Variants in MSH5 observed in about 807,000 individuals in gnomAD.
MSH5 encodes mutS protein homolog 5.
A neutral mutation model predicts 107.7 loss-of-function variants in MSH5; 78 were observed. That is an observed-to-expected ratio of 0.72 (90% CI 0.60 to 0.87). MSH5 has a LOEUF of 0.87. MSH5 is among the 40% of genes least tolerant of loss of function. The probability of loss-of-function intolerance (pLI) is 0.00; values close to 1 mark genes in which losing one functional copy is unlikely to be tolerated. For synonymous variants in MSH5, 326 were observed against 399.5 expected, an observed-to-expected ratio of 0.82 and a Z score of 2.19; for missense variants, 889 against 1,046.6, an observed-to-expected ratio of 0.85 and a Z score of 2.08.
intron 5 of MSH5, 66 bp from the exon 6 acceptor site, chr6:31,743,838 A>G (rs539698034): frequency 6.3e-7 from 1 of 1,583,688 alleles, no homozygotes; most frequent in African/African-American, 1.4e-5. Flanking sequence ...CTATTGTCTC[A>G]TTCTTAAAAT....
At chr6:31,754,294 T>A (rs1356140486) in intron 12 of MSH5, among the ~76,000 whole-genome samples, 1 of 150,868 alleles carries the variant, frequency 6.6e-6, no homozygotes, top group Non-Finnish European at 1.5e-5. Context: ...GGATTACAGG[T>A]GCCCACCACC....
Position 31,762,133 on chromosome 6 carries a change from G to A in MSH5, c.2341G>A (p.Gly781Arg). 6.2e-7 allele frequency: 1 copy of A among 1,614,152 alleles called. No individual in the cohort carries two copies. Among genetic ancestry groups the A allele is most frequent in the Non-Finnish European group, 8.5e-7 (1 of 1,180,036 alleles). The change falls in exon 24 of 25, where the codon GGA becomes AGA. Residue 781 changes from glycine to arginine, a missense_variant. Transcript: ENST00000375750. ...CTAGGTCTCAGACTTGATCCGCAGT[G>A]GAAAACCCATCAAGCCTGTCAAGGA... ...GKEVSDLIRS[G>R]KPIKPVKDLL...
In MSH5 at chr6:31,760,845, A is replaced by C. The variant is rs1481474390; in HGVS notation, c.1962+6A>C. ...TCATGATCGACCTCAACCAGGTCAA[A>C]GGGAACAAAGGGAGGTGGGATTGAG... On this transcript the variant is annotated splice_donor_region_variant and intron_variant, in intron 20 of 24. Coordinates refer to ENST00000375750, the MANE Select transcript of MSH5 (RefSeq NM_172166.4). The surrounding 1 kb of genome is among the most constrained non-coding windows in gnomAD (Gnocchi z 5.6). 1 of 1,610,334 alleles carries C rather than the reference A, an allele frequency of 6.2e-7. No homozygotes were observed. Among genetic ancestry groups the C allele is most frequent in the Admixed American group, 1.7e-5 (1 of 59,736 alleles).
In MSH5 at chr6:31,743,772, A is replaced by G. The variant is rs1180291389; in HGVS notation, c.416-132A>G. The stretch of plus-strand genomic sequence containing the variant: ...AGTCTGAAAATTTGGTTCTTGCTCT[A>G]GCTTTCCATTAACTGCCTGTGTGAG... On this transcript the variant is annotated intron_variant, in intron 5 of 24. Transcript: ENST00000375750. The G allele has an allele frequency of 1.1e-5, 15 of 1,337,058 alleles. 1 individual carries two copies. Among genetic ancestry groups the G allele is most frequent in the East Asian group, 4.8e-5 (2 of 41,978 alleles). The allele number at this position is 1,337,058 out of a possible 1,614,324, so 82.8% of individuals were successfully genotyped here. A position where few individuals can be genotyped will look rare whatever the true frequency, so the allele number is the denominator to read the frequency against.
Position 31,761,878 on chromosome 6 carries a change from G to A in MSH5, c.2242G>A (p.Val748Ile). 1 of 1,613,214 alleles carries A rather than the reference G, an allele frequency of 6.2e-7. No homozygotes were observed. Among genetic ancestry groups the A allele is most frequent in the Non-Finnish European group, 8.5e-7 (1 of 1,180,028 alleles). ...CTTCTTCTATCAGGTTTGCGAAGGT[G>A]TTGCGAAGGCCAGCCATGCCTCCCA... Reference protein sequence around the residue: ...LVFFYQVCEGVAKASHASHTA... With the variant: ...LVFFYQVCEGIAKASHASHTA... The change falls in exon 23 of 25, where the codon GTT becomes ATT. Residue 748 changes from valine (V) to isoleucine (I), a missense_variant. Around this residue, in one of 3 missense-constraint regions of MSH5, gnomAD observed 362 missense variants for 456.2 expected, o/e 0.79. Coordinates refer to ENST00000375750, the MANE Select transcript of MSH5 (RefSeq NM_172166.4). The surrounding 1 kb of genome is among the most constrained non-coding windows in gnomAD (Gnocchi z 5.3).
Position 31,758,041 on chromosome 6 carries a change from T to G in MSH5, c.1015-124T>G. 7.7e-4 allele frequency: 911 copies of G among 1,186,464 alleles called. No homozygotes were observed. Among genetic ancestry groups the G allele is most frequent in the Non-Finnish European group, 1.0e-3 (830 of 828,242 alleles). The allele number at this position is 1,186,464 out of a possible 1,614,324, so 73.5% of individuals were successfully genotyped here. A position where few individuals can be genotyped will look rare whatever the true frequency, so the allele number is the denominator to read the frequency against. On this transcript the variant is annotated intron_variant, in intron 12 of 24. Transcript: ENST00000375750. This position sits in a 1 kb window ranked among gnomAD's most constrained non-coding sequence, Gnocchi z 5.1. ...GCCTCTCACTGTTTCTTTTTGCCTT[T>G]GAGATCTTCCCTCTTTGTTACTGTG...
Position 31,758,932 on chromosome 6 carries a change from T to G in MSH5, c.1326+57T>G. 2.7e-6 allele frequency: 4 copies of G among 1,508,062 alleles called. No homozygotes were observed. The South Asian group carries it at 4.5e-5, about 17-fold the overall frequency. The allele number at this position is 1,508,062 out of a possible 1,614,324, so 93.4% of individuals were successfully genotyped here. ...ATGTCTTTTGGGGGAGATATTAGGC[T>G]TATGAAAGACATACTGGTAGATAAG... is the stretch of plus-strand genomic sequence containing the variant. On this transcript the variant is annotated intron_variant, in intron 15 of 24. Coordinates refer to ENST00000375750, the MANE Select transcript of MSH5 (RefSeq NM_172166.4). This position sits in a 1 kb window ranked among gnomAD's most constrained non-coding sequence, Gnocchi z 5.1.
At chr6:31,741,828 C>T (rs1182074344) in intron 3 of MSH5, among the ~76,000 whole-genome samples, 2 of 151,706 alleles carry the variant, frequency 1.3e-5, no homozygotes, top group African/African-American at 4.9e-5. Context: ...CAAAATTGGG[C>T]ATCTTCACTG....
chr6:31,740,254 G>C lies in MSH5; in HGVS notation c.-14+192G>C. 1.9e-6 allele frequency: 1 copy of C among 513,128 alleles called. No individual in the cohort carries two copies. The highest frequency in any genetic ancestry group is 3.5e-5 in the East Asian group (1 of 28,494). 31.8% of individuals were successfully genotyped at this position (513,128 alleles called of 1,614,324 possible). Reference sequence around the variant, plus strand: ...CGCGTGACAGGAATGAGGGTGGGGCGCGTGGAGTTTCCCACAATCTGTACT... The same window carrying C: ...CGCGTGACAGGAATGAGGGTGGGGCCCGTGGAGTTTCCCACAATCTGTACT... On this transcript the variant is annotated intron_variant, in intron 1 of 24. Transcript: ENST00000375750. The surrounding 1 kb of genome is among the most constrained non-coding windows in gnomAD (Gnocchi z 4.4).
chr6:31,748,532 A>G (rs1809668997), intron 10 of MSH5, among the ~76,000 whole-genome samples: 1 of 151,714 alleles, frequency 6.6e-6, no homozygotes, highest in African/African-American at 2.4e-5. Context: ...TATTTTCAGT[A>G]GAGGCGGGGT....
rs1481749375 is a variant in MSH5, at chr6:31,760,254, C to G, written c.1812+38C>G. 1.3e-6 allele frequency: 2 copies of G among 1,536,664 alleles called. No homozygotes were observed. The highest frequency in any genetic ancestry group is 2.8e-5 in the African/African-American group (2 of 72,358). On this transcript the variant is annotated intron_variant, in intron 19 of 24. Coordinates refer to ENST00000375750, the MANE Select transcript of MSH5 (RefSeq NM_172166.4). The surrounding 1 kb of genome is among the most constrained non-coding windows in gnomAD (Gnocchi z 5.6). Reference sequence around the variant, plus strand: ...CCTGCAGCCTGGGCCTCTGGCGTCTCCTGCATCTACTCCACCCCTACTTGC... The same window carrying G: ...CCTGCAGCCTGGGCCTCTGGCGTCTGCTGCATCTACTCCACCCCTACTTGC...
In MSH5 at chr6:31,741,210, C is replaced by T. The variant is rs1008468385; in HGVS notation, c.195C>T (p.Tyr65=). 3.1e-6 allele frequency: 5 copies of T among 1,612,894 alleles called. No individual in the cohort carries two copies. Among genetic ancestry groups the T allele is most frequent in the Non-Finnish European group, 4.2e-6 (5 of 1,180,022 alleles). ...ATTCAGGATACTTGGGCATTGCCTA[C>T]TATGATACTAGTGACTCCACTATCC... The part of the protein sequence containing the change: ...LWNSGYLGIA[Y]YDTSDSTIHF... The change falls in exon 3 of 25, where the codon TAC becomes TAT. Residue 65 remains tyrosine (Y), a synonymous_variant. Transcript: ENST00000375750.
rs1442886657 is a variant in MSH5 at position 31,743,105 on chromosome 6, C to T, written c.353-3C>T. ...TGATAGCCTTTTCTTTCCTCCCCCA[C>T]AGCCTCCCAGGAGCACAGAGAGCCT... On this transcript the variant is annotated splice_region_variant and splice_polypyrimidine_tract_variant and intron_variant, in intron 4 of 24. Transcript: ENST00000375750. The T allele has an allele frequency of 3.7e-6, 6 of 1,613,054 alleles. No homozygotes were observed. The highest frequency in any genetic ancestry group is 4.2e-6 in the Non-Finnish European group (5 of 1,180,024).
chr6:31,747,530 C>T, intron 10 of MSH5, 98 bp downstream of exon 10: 3 of 1,219,958 alleles, frequency 2.5e-6, no homozygotes, highest in South Asian at 1.3e-5. Context: ...TTCTCACATA[C>T]ACCACCCCAC....
chr6:31,761,506 G>C lies in MSH5; in HGVS notation c.2072G>C (p.Arg691Pro), dbSNP rs201166095. ...DGLALLAAVL[R>P]HWLARGPTCP... Reference sequence around the variant, plus strand: ...CTCGCGCTTCTGGCCGCTGTGCTCCGACACTGGCTGGCACGTGGACCCACA... The same window carrying C: ...CTCGCGCTTCTGGCCGCTGTGCTCCCACACTGGCTGGCACGTGGACCCACA... Residue 691 changes from arginine (R) to proline (P), a missense_variant, in exon 22 of 25, where the codon CGA (arginine) becomes CCA (proline). Arg to Pro is a moderately radical substitution (Grantham distance 103, BLOSUM62 -2). Around this residue, in one of 3 missense-constraint regions of MSH5, gnomAD observed 362 missense variants for 456.2 expected, o/e 0.79. Coordinates refer to ENST00000375750, the MANE Select transcript of MSH5 (RefSeq NM_172166.4). This position sits in a 1 kb window ranked among gnomAD's most constrained non-coding sequence, Gnocchi z 5.3. The C allele has an allele frequency of 2.5e-6, 4 of 1,613,660 alleles. No homozygotes were observed. Among genetic ancestry groups the C allele is most frequent in the Non-Finnish European group, 3.4e-6 (4 of 1,180,038 alleles).
chr6:31,740,421 C>G lies in MSH5; in HGVS notation c.-13-33C>G, dbSNP rs1310820736. The G allele has an allele frequency of 1.9e-6, 3 of 1,541,572 alleles. No homozygotes were observed. Among genetic ancestry groups the G allele is most frequent in the Non-Finnish European group, 2.6e-6 (3 of 1,142,936 alleles). On this transcript the variant is annotated intron_variant, in intron 1 of 24. Transcript: ENST00000375750. The surrounding 1 kb of genome is among the most constrained non-coding windows in gnomAD (Gnocchi z 4.4). ...CCCCGGCCTCCTCTGTGAATCGTTG[C>G]TTCCGAACCGCCCTCACTTTTTGCA... is the stretch of plus-strand genomic sequence containing the variant.
intron 8 of MSH5, 103 bp downstream of exon 8, chr6:31,744,684 A>G (rs941800059): frequency 3.2e-5 from 41 of 1,274,556 alleles, no homozygotes; most frequent in Non-Finnish European, 4.3e-5. Context: ...TCCTGGGGCT[A>G]TTAAGATCTC....
chr6:31,741,541 G>A lies in MSH5; in HGVS notation c.271+255G>A, dbSNP rs187887850. 2.5e-3 allele frequency among the ~76,000 whole-genome samples: 386 copies of A among 152,212 alleles called. 3 individuals are homozygous for A. The highest frequency in any genetic ancestry group is 0.018 in the South Asian group (88 of 4,818). On this transcript the variant is annotated intron_variant, in intron 3 of 24. Coordinates refer to ENST00000375750, the MANE Select transcript of MSH5 (RefSeq NM_172166.4). ...CTACAGGCGTGTGCCACCACACCCA[G>A]CTAGTTTTTTGTGTGTGTTTTTAGC...
rs200686038 is a variant in MSH5, at chr6:31,753,563, G to A, written c.952-4G>A. 8.4e-5 allele frequency: 135 copies of A among 1,613,980 alleles called. No homozygotes were observed. The highest frequency in any genetic ancestry group is 2.6e-5 in the Non-Finnish European group (31 of 1,180,024). On this transcript the variant is annotated splice_polypyrimidine_tract_variant and splice_region_variant and intron_variant, in intron 11 of 24. Transcript: ENST00000375750. ...ACAGCGGCTGTAACCTTGTCTGACT[G>A]TAGCTGATTCTGAAACGCATGAAGT...
Sources: gnomAD v4.1 joint callset for allele counts (sites outside exome capture counted in the v4.1 genomes callset) on GRCh38, gnomAD v4.1.1 for gene constraint, gnomAD v4.1.1 regional missense constraint, Gnocchi (gnomAD v3.1) non-coding constraint, MANE v1.5 for transcripts, NCBI Gene and HGNC (gene_info 2026-07-23, HGNC 2026-07-21) for gene names.